Variants in ARID4B observed in about 807,000 individuals in gnomAD.
ARID4B encodes the protein AT-rich interactive domain-containing protein 4B.
In ARID4B, 26 loss-of-function variants were observed where a neutral mutation model predicts 147.5. The ratio of observed to expected loss-of-function variants is 0.18; its 90% CI spans 0.13 to 0.24. ARID4B has a LOEUF of 0.24. Ranked by LOEUF, ARID4B falls within the 10% of genes least tolerant of loss-of-function variation. The pLI is 1.00. For synonymous variants in ARID4B, 512 were observed against 507.9 expected (o/e 1.01, Z -0.11); for missense variants, 1,179 against 1,511.5 (o/e 0.78, Z 3.65).
chr1:235,240,646 T>C (rs1374222274), intron 7 of ARID4B, among the ~76,000 whole-genome samples, 195 bp from the exon 8 acceptor site: 2 of 152,178 alleles, frequency 1.3e-5, no homozygotes, highest in Non-Finnish European at 1.5e-5. Context: ...GCACATCATT[T>C]TCCCAAAAAT....
chr1:235,232,227 C>T (rs1166080975), intron 9 of ARID4B, among the ~76,000 whole-genome samples: 1 of 152,012 alleles, frequency 6.6e-6, no homozygotes, highest in Non-Finnish European at 1.5e-5. Flanking sequence ...CAAGACCAGC[C>T]TGACCAACAT....
chr1:235,255,947 G>A (rs953201245), intron 4 of ARID4B, among the ~76,000 whole-genome samples, 197 bp from the exon 5 acceptor site: 3 of 152,190 alleles, frequency 2.0e-5, no homozygotes, highest in Middle Eastern at 3.4e-3. Context: ...GCTGAGGCAG[G>A]TGGATCACTT....
intron 11 of ARID4B, chr1:235,228,463 G>C (rs953146450): frequency 6.6e-6 from 1 of 150,628 alleles, no homozygotes; most frequent in African/African-American, 2.4e-5. Context: ...GGAGTGCACT[G>C]ACATGCCCTG....
At chr1:235,235,427 T>C (rs948410133) in intron 8 of ARID4B, among the ~76,000 whole-genome samples, 3 of 152,208 alleles carry the variant, frequency 2.0e-5, no homozygotes, top group Non-Finnish European at 2.9e-5. Flanking sequence ...ATCCACTCAT[T>C]ACTTTTCCCT....
At chr1:235,303,266 C>A (rs779287769) in intron 2 of ARID4B, among the ~76,000 whole-genome samples, 5 of 152,088 alleles carry the variant, frequency 3.3e-5, no homozygotes, top group Non-Finnish European at 7.4e-5. Flanking sequence ...CTATCTTCCA[C>A]CCAAAATTTG....
chr1:235,325,793 A>T (rs1385414005), intron 2 of ARID4B, among the ~76,000 whole-genome samples: 1 of 152,184 alleles, frequency 6.6e-6, no homozygotes, highest in African/African-American at 2.4e-5. Context: ...AGAAAACCTT[A>T]AAAAAATTAG....
At chr1:235,169,185 T>G (rs1663144380) in intron 23 of ARID4B, among the ~76,000 whole-genome samples, 1 of 152,166 alleles carries the variant, frequency 6.6e-6, no homozygotes, top group African/African-American at 2.4e-5. Context: ...AAATAACACA[T>G]TAGTTATTTT....
At chr1:235,192,567 T>C (rs1665186311) in intron 19 of ARID4B, among the ~76,000 whole-genome samples, 1 of 152,162 alleles carries the variant, frequency 6.6e-6, no homozygotes, top group Admixed American at 6.5e-5. Flanking sequence ...TGAGTTAATA[T>C]AAACACACAT....
intron 2 of ARID4B, among the ~76,000 whole-genome samples, chr1:235,281,729 CAAA>C (rs1327953791): frequency 6.6e-6 from 1 of 151,932 alleles, no homozygotes; most frequent in African/African-American, 2.4e-5. Context: ...AAAACAAAAA[CAAA>C]AAACAAAGGG....
intron 2 of ARID4B, among the ~76,000 whole-genome samples, chr1:235,303,611 A>G (rs1673340597): frequency 1.3e-5 from 2 of 152,138 alleles, no homozygotes; most frequent in African/African-American, 4.8e-5. Flanking sequence ...AATGCCAGCT[A>G]TTTAATACTT....
intron 2 of ARID4B, among the ~76,000 whole-genome samples, chr1:235,317,125 T>G (rs1259328015): frequency 6.6e-6 from 1 of 152,220 alleles, no homozygotes; most frequent in Non-Finnish European, 1.5e-5. Context: ...TAAAAATTTT[T>G]TTCTGATTCT....
At chr1:235,217,771 T>A (rs1667194756) in intron 16 of ARID4B, among the ~76,000 whole-genome samples, 1 of 152,232 alleles carries the variant, frequency 6.6e-6, no homozygotes, top group East Asian at 1.9e-4. Context: ...GCCAGAAAAA[T>A]ACCTATATAT....
chr1:235,244,400 C>T (rs751151512), intron 7 of ARID4B, among the ~76,000 whole-genome samples: 1 of 152,000 alleles, frequency 6.6e-6, no homozygotes, highest in Non-Finnish European at 1.5e-5. Flanking sequence ...GACTTAAACA[C>T]AATCGCTGCA....
intron 16 of ARID4B, among the ~76,000 whole-genome samples, chr1:235,214,474 G>T (rs1666922727): frequency 6.6e-6 from 1 of 151,366 alleles, no homozygotes; most frequent in African/African-American, 2.4e-5. Context: ...CATTTTTTTA[G>T]AGACAGAGTC....
intron 19 of ARID4B, among the ~76,000 whole-genome samples, chr1:235,187,590 A>G (rs1664784603): frequency 6.6e-6 from 1 of 152,210 alleles, no homozygotes. Flanking sequence ...ATTTCTCCAC[A>G]GAACTCCAAC....
At chr1:235,323,771 C>A (rs1675018976) in intron 2 of ARID4B, among the ~76,000 whole-genome samples, 1 of 149,438 alleles carries the variant, frequency 6.7e-6, no homozygotes. Context: ...GCAACAAGAG[C>A]AAAAGTCCGT....
At chr1:235,276,356 C>T (rs991990696) in intron 2 of ARID4B, among the ~76,000 whole-genome samples, 7 of 152,046 alleles carry the variant, frequency 4.6e-5, no homozygotes, top group African/African-American at 1.7e-4. Context: ...CTTTTAAGCC[C>T]TTACCAGATG....
At chr1:235,306,264 G>T (rs1673552412) in intron 2 of ARID4B, among the ~76,000 whole-genome samples, 1 of 152,104 alleles carries the variant, frequency 6.6e-6, no homozygotes, top group South Asian at 2.1e-4. Context: ...CTCACTTTGG[G>T]AGGCTGAGAC....
At chr1:235,215,577 G>A (rs941771235) in intron 16 of ARID4B, among the ~76,000 whole-genome samples, 1 of 145,594 alleles carries the variant, frequency 6.9e-6, no homozygotes, top group African/African-American at 2.6e-5. Context: ...GTGTGTGTGT[G>A]TGTATATATT....
Sources: gnomAD v4.1 joint callset for allele counts (sites outside exome capture counted in the v4.1 genomes callset) on GRCh38, gnomAD v4.1.1 for gene constraint, MANE v1.5 for transcripts, NCBI Gene and HGNC (gene_info 2026-07-23, HGNC 2026-07-21) for gene names.